The following C3orf62 variants were observed in gnomAD, a reference collection of about 807,000 sequenced individuals.
C3orf62 encodes uncharacterized protein C3orf62.
Under a neutral mutation model 21.7 loss-of-function variants are expected in C3orf62, and 16 were observed. The observed-to-expected ratio is 0.74, with a 90% confidence interval of 0.50 to 1.12. The LOEUF (loss-of-function observed/expected upper bound fraction) is 1.12. C3orf62 is among the 50% of genes most tolerant of loss of function. The probability of loss-of-function intolerance (pLI) is 0.00; values close to 1 mark genes in which losing one functional copy is unlikely to be tolerated. For missense variants in C3orf62, 310 were observed against 318.8 expected, an observed-to-expected ratio of 0.97 and a Z score of 0.21; for synonymous variants, 114 against 117.0, an observed-to-expected ratio of 0.97 and a Z score of 0.17.
In C3orf62 at chr3:49,276,578, G is replaced by T; in HGVS notation, c.295C>A (p.Pro99Thr). 6.2e-7 allele frequency: 1 copy of T among 1,614,198 alleles called. No homozygotes were observed. The highest frequency in any genetic ancestry group is 8.5e-7 in the Non-Finnish European group (1 of 1,180,038). The part of the protein sequence containing the change: ...ENPAFATNHA[P>T]VNAKPHALCP... Reference sequence around the variant, plus strand: ...AGAGCATGTGGTTTTGCATTTACCGGGGCATGGTTTGTTGCAAAGGCAGGG... The same window carrying T: ...AGAGCATGTGGTTTTGCATTTACCGTGGCATGGTTTGTTGCAAAGGCAGGG... The change falls in exon 1 of 3, where the codon CCG (proline) becomes ACG (threonine). Residue 99 changes from proline to threonine, a missense_variant. Coordinates refer to ENST00000343010, the MANE Select transcript of C3orf62 (RefSeq NM_198562.3).
At chr3:49,275,248 G>A (rs1004712472) in intron 1 of C3orf62, among the ~76,000 whole-genome samples, 4 of 151,812 alleles carry the variant, frequency 2.6e-5, no homozygotes, top group Non-Finnish European at 4.4e-5. Context: ...CAAGTAGCTG[G>A]GATCATAGGC....
Position 49,277,038 on chromosome 3 carries a change from T to G in C3orf62, c.-166A>C. ...GGCTCTCGCGGAGGAACCCGCCATCTGCCAGAAGCCCCAAAGACGCCCCGC... is the reference window on the plus strand; with the variant it reads ...GGCTCTCGCGGAGGAACCCGCCATCGGCCAGAAGCCCCAAAGACGCCCCGC... On this transcript the variant is annotated 5_prime_UTR_variant, in exon 1 of 3. Coordinates refer to ENST00000343010, the MANE Select transcript of C3orf62 (RefSeq NM_198562.3). The G allele has an allele frequency of 6.8e-7, 1 of 1,463,546 alleles. No homozygotes were observed. The highest frequency in any genetic ancestry group is 2.5e-5 in the East Asian group (1 of 40,052). The allele number at this position is 1,463,546 out of a possible 1,614,324, so 90.7% of individuals were successfully genotyped here.
intron 2 of C3orf62, among the ~76,000 whole-genome samples, chr3:49,271,866 C>T (rs544689727): frequency 6.9e-6 from 1 of 145,616 alleles, no homozygotes; most frequent in East Asian, 2.0e-4. Flanking sequence ...AACTTGCGCC[C>T]AGGAGTTTGA....
At position 49,274,158 on chromosome 3, in the gene C3orf62, G is replaced by A; in HGVS notation, c.447-18C>T. On this transcript the variant is annotated intron_variant, in intron 1 of 2. Coordinates refer to ENST00000343010, the MANE Select transcript of C3orf62 (RefSeq NM_198562.3). ...TATCTTTCCTGCAGCCCCCAGGTGG[G>A]GGGGAAGAAAAGGTGGGGAATTAGA... 6.3e-7 allele frequency: 1 copy of A among 1,590,190 alleles called. No homozygotes were observed. The highest frequency in any genetic ancestry group is 8.6e-7 in the Non-Finnish European group (1 of 1,158,634).
Position 49,277,048 on chromosome 3 carries a change from C to T in C3orf62, c.-176G>A. 4.1e-6 allele frequency: 6 copies of T among 1,472,606 alleles called. No individual in the cohort carries two copies. Among genetic ancestry groups the T allele is most frequent in the Non-Finnish European group, 5.4e-6 (6 of 1,115,312 alleles). 91.2% of individuals were successfully genotyped at this position (1,472,606 alleles called of 1,614,324 possible). A position where few individuals can be genotyped will look rare whatever the true frequency, so the allele number is the denominator to read the frequency against. ...GAGGAACCCGCCATCTGCCAGAAGC[C>T]CCAAAGACGCCCCGCCCCACTTCCC... is the stretch of plus-strand genomic sequence containing the variant. On this transcript the variant is annotated 5_prime_UTR_variant, in exon 1 of 3. Transcript: ENST00000343010.
rs762039436 is a variant in C3orf62, at chr3:49,276,583, T to C, written c.290A>G (p.His97Arg). The C allele has an allele frequency of 6.2e-7, 1 of 1,614,224 alleles. No homozygotes were observed. ...ATGTGGTTTTGCATTTACCGGGGCA[T>C]GGTTTGTTGCAAAGGCAGGGTTCTC... ...ENENPAFATN[H>R]APVNAKPHAL... The change falls in exon 1 of 3, where the codon CAT becomes CGT. Residue 97 changes from histidine (H) to arginine (R), a missense_variant. By Grantham distance (29) the His-to-Arg change is conservative. Transcript: ENST00000343010.
rs141154465 is a variant in C3orf62, at chr3:49,271,228, C to T, written c.756G>A (p.Leu252=). The part of the protein sequence containing the change: ...DHNIVETVLD[L]EEDYNVMTSF... Reference sequence around the variant, plus strand: ...ACGTCATCACATTGTAGTCCTCTTCCAAGTCCAGAACAGTCTCAACAATAT... The same window carrying T: ...ACGTCATCACATTGTAGTCCTCTTCTAAGTCCAGAACAGTCTCAACAATAT... The change falls in exon 3 of 3, where the codon TTG becomes TTA. Residue 252 remains leucine (L), a synonymous_variant. Transcript: ENST00000343010. 194 of 1,614,032 alleles carry T rather than the reference C, an allele frequency of 1.2e-4. 1 individual carries two copies. The African/African-American group carries it at 2.0e-3, about 17-fold the overall frequency.
chr3:49,277,148 C>A lies in C3orf62; in HGVS notation c.-276G>T, dbSNP rs577282220. 208 of 1,440,094 alleles carry A rather than the reference C, an allele frequency of 1.4e-4. No individual in the cohort carries two copies. The highest frequency in any genetic ancestry group is 1.7e-4 in the Non-Finnish European group (186 of 1,085,362). 89.2% of individuals were successfully genotyped at this position (1,440,094 alleles called of 1,614,324 possible). Reference sequence around the variant, plus strand: ...CAGGCCGCTGGCCCTACCGGCACCCCCCCTTTGGCGAGTCGGCAGCCACGT... The same window carrying A: ...CAGGCCGCTGGCCCTACCGGCACCCACCCTTTGGCGAGTCGGCAGCCACGT... On this transcript the variant is annotated 5_prime_UTR_variant, in exon 1 of 3. Coordinates refer to ENST00000343010, the MANE Select transcript of C3orf62 (RefSeq NM_198562.3).
At position 49,271,014 on chromosome 3, in the gene C3orf62, G is replaced by A. The variant is rs1303101927; in HGVS notation, c.*166C>T. The stretch of plus-strand genomic sequence containing the variant: ...CAAAGCAATGGAATTCAAAAAACTG[G>A]TCTCACAGCTTAAAAAGGGACACAA... On this transcript the variant is annotated 3_prime_UTR_variant, in exon 3 of 3. Coordinates refer to ENST00000343010, the MANE Select transcript of C3orf62 (RefSeq NM_198562.3). 1.5e-6 allele frequency: 1 copy of A among 659,428 alleles called. No individual in the cohort carries two copies. The highest frequency in any genetic ancestry group is 2.6e-6 in the Non-Finnish European group (1 of 386,610). 40.8% of individuals were successfully genotyped at this position (659,428 alleles called of 1,614,324 possible).
intron 1 of C3orf62, among the ~76,000 whole-genome samples, chr3:49,275,522 T>TTG (rs1559460036): frequency 3.6e-5 from 3 of 82,480 alleles, no homozygotes; most frequent in Non-Finnish European, 7.6e-5. Flanking sequence ...CTTTGAAGTT[T>TTG]TTTTTTTTTT....
In C3orf62 at chr3:49,274,155, TG is replaced by T. The variant is rs574629363; in HGVS notation, c.447-16del. 9.0e-4 allele frequency: 1,439 copies of T among 1,594,282 alleles called. 17 individuals are homozygous for T. The Admixed American group carries it at 0.018, about 20-fold the overall frequency. ...CCATATCTTTCCTGCAGCCCCCAGG[TG>T]GGGGGGAAGAAAAGGTGGGGAATTA... On this transcript the variant is annotated splice_polypyrimidine_tract_variant and intron_variant, in intron 1 of 2. Coordinates refer to ENST00000343010, the MANE Select transcript of C3orf62 (RefSeq NM_198562.3).
At chr3:49,274,865 G>C (rs541403391) in intron 1 of C3orf62, among the ~76,000 whole-genome samples, 1 of 152,156 alleles carries the variant, frequency 6.6e-6, no homozygotes, top group South Asian at 2.1e-4. Context: ...TGTCGCCCAG[G>C]CTGGTGTGCA....
In C3orf62 at chr3:49,269,097, A is replaced by G. The variant is rs1207307904; in HGVS notation, c.*2083T>C. 6.6e-6 allele frequency: 1 copy of G among 152,200 alleles called. No homozygotes were observed. The highest frequency in any genetic ancestry group is 1.5e-5 in the Non-Finnish European group (1 of 68,054). The allele number at this position is 152,200 out of a possible 1,614,324, so 9.4% of individuals were successfully genotyped here. A position where few individuals can be genotyped will look rare whatever the true frequency, so the allele number is the denominator to read the frequency against. ...CAACAGTCTTGAGTTCTGGCCAGGT[A>G]TCTTGTAGAATGTACCCCACGTCTG... On this transcript the variant is annotated 3_prime_UTR_variant, in exon 3 of 3. Transcript: ENST00000343010.
In C3orf62 at chr3:49,276,920, C is replaced by A; in HGVS notation, c.-48G>T. ...ATAATGTTACAAATGAGGCTGCAAA[C>A]TACCCCTGAATGGCCACGATTTCCT... On this transcript the variant is annotated 5_prime_UTR_variant, in exon 1 of 3. The change abolishes the stop of an existing upstream ORF in the 5' untranslated region. Transcript: ENST00000343010. 6.4e-7 allele frequency: 1 copy of A among 1,565,434 alleles called. No individual in the cohort carries two copies. Among genetic ancestry groups the A allele is most frequent in the South Asian group, 1.2e-5 (1 of 83,010 alleles).
Position 49,269,332 on chromosome 3 carries a change from T to G in C3orf62, c.*1848A>C, listed in dbSNP as rs553222019. 6.6e-6 allele frequency: 1 copy of G among 152,146 alleles called. No individual in the cohort carries two copies. Among genetic ancestry groups the G allele is most frequent in the Non-Finnish European group, 1.5e-5 (1 of 68,014 alleles). The allele number at this position is 152,146 out of a possible 1,614,324, so 9.4% of individuals were successfully genotyped here. A position where few individuals can be genotyped will look rare whatever the true frequency, so the allele number is the denominator to read the frequency against. On this transcript the variant is annotated 3_prime_UTR_variant, in exon 3 of 3. Coordinates refer to ENST00000343010, the MANE Select transcript of C3orf62 (RefSeq NM_198562.3). ...TTAAGTCTAGTTCACCTTCAAAGGGTGGTAATGAGGTGGGAATATGGGGGT... is the reference window on the plus strand; with the variant it reads ...TTAAGTCTAGTTCACCTTCAAAGGGGGGTAATGAGGTGGGAATATGGGGGT...
intron 1 of C3orf62, among the ~76,000 whole-genome samples, chr3:49,275,965 G>A (rs1233260369): frequency 6.6e-6 from 1 of 152,052 alleles, no homozygotes; most frequent in African/African-American, 2.4e-5. Flanking sequence ...TAAGAGCGGG[G>A]AGCAGAGGCA....
In C3orf62 at chr3:49,277,046, G is replaced by A. The variant is rs894893310; in HGVS notation, c.-174C>T. On this transcript the variant is annotated 5_prime_UTR_variant, in exon 1 of 3. Coordinates refer to ENST00000343010, the MANE Select transcript of C3orf62 (RefSeq NM_198562.3). ...CGGAGGAACCCGCCATCTGCCAGAA[G>A]CCCCAAAGACGCCCCGCCCCACTTC... is the stretch of plus-strand genomic sequence containing the variant. 2 of 1,468,250 alleles carry A rather than the reference G, an allele frequency of 1.4e-6. No homozygotes were observed. Among genetic ancestry groups the A allele is most frequent in the Non-Finnish European group, 1.8e-6 (2 of 1,113,808 alleles). 91.0% of individuals were successfully genotyped at this position (1,468,250 alleles called of 1,614,324 possible).
chr3:49,271,766 A>G (rs1382820183), intron 2 of C3orf62, among the ~76,000 whole-genome samples: 3 of 152,102 alleles, frequency 2.0e-5, no homozygotes, highest in Non-Finnish European at 4.4e-5. Context: ...CAAGGAAACA[A>G]GGTCTTTAGG....
chr3:49,270,188 C>G lies in C3orf62; in HGVS notation c.*992G>C, dbSNP rs1220054072. 1.3e-5 allele frequency: 2 copies of G among 152,192 alleles called. No homozygotes were observed. The highest frequency in any genetic ancestry group is 4.8e-5 in the African/African-American group (2 of 41,440). The allele number at this position is 152,192 out of a possible 1,614,324, so 9.4% of individuals were successfully genotyped here. A position where few individuals can be genotyped will look rare whatever the true frequency, so the allele number is the denominator to read the frequency against. The stretch of plus-strand genomic sequence containing the variant: ...TGACTACTCACAGTTACAGATCTAA[C>G]TCCTTGTTCCACTCCTTCCCCACTT... On this transcript the variant is annotated 3_prime_UTR_variant, in exon 3 of 3. Transcript: ENST00000343010.
Sources: gnomAD v4.1 joint callset for allele counts (sites outside exome capture counted in the v4.1 genomes callset) on GRCh38, gnomAD v4.1.1 for gene constraint, MANE v1.5 for transcripts, NCBI Gene and HGNC (gene_info 2026-07-23, HGNC 2026-07-21) for gene names.